ZNF560: variants seen among roughly 807,000 people sequenced by gnomAD.
The protein encoded by ZNF560 is zinc finger protein 560.
In ZNF560, 54 loss-of-function variants were observed where a neutral mutation model predicts 81.8. That is an observed-to-expected ratio of 0.66 (90% CI 0.53 to 0.83). The LOEUF (loss-of-function observed/expected upper bound fraction) is 0.83. ZNF560 is among the 40% of genes least tolerant of loss of function. ZNF560 has a pLI of 0.00. For missense variants in ZNF560, 940 were observed against 932.4 expected, an observed-to-expected ratio of 1.01 and a Z score of -0.11; for synonymous variants, 321 against 317.9, an observed-to-expected ratio of 1.01 and a Z score of -0.10.
At chr19:9,449,048 CAA>C in the ZNF560 span, among the ~76,000 whole-genome samples, 2 of 152,206 alleles carry the variant, frequency 1.3e-5, no homozygotes, top group Admixed American at 1.3e-4. Flanking sequence ...GACAGCCAAA[CAA>C]GAATAGTGGC....
At chr19:9,478,161 A>G (rs2073231597) in intron 2 of ZNF560, among the ~76,000 whole-genome samples, 1 of 152,228 alleles carries the variant, frequency 6.6e-6, no homozygotes, top group South Asian at 2.1e-4. Context: ...GATGCAAATC[A>G]CATATGAACG....
At chr19:9,470,036 C>T (rs1014776018) in intron 7 of ZNF560, 1 of 428,944 alleles carries the variant, frequency 2.3e-6, no homozygotes, top group Non-Finnish European at 4.1e-6. Context: ...AAAGAGAGAT[C>T]TTGATTCTCC....
chr19:9,447,566 A>G, the ZNF560 span, among the ~76,000 whole-genome samples: 4 of 152,172 alleles, frequency 2.6e-5, no homozygotes, highest in African/African-American at 7.2e-5. Context: ...TCACTTAAGG[A>G]ATTTTAAAAT....
At chr19:9,494,670 A>G (rs971617416) in intron 2 of ZNF560, among the ~76,000 whole-genome samples, 8 of 152,150 alleles carry the variant, frequency 5.3e-5, no homozygotes, top group African/African-American at 1.9e-4. Flanking sequence ...TGGGAGGCAG[A>G]GGTTGCAGTG....
At chr19:9,495,236 AATGGACT>A (rs2144731249) in intron 2 of ZNF560, among the ~76,000 whole-genome samples, 1 of 152,324 alleles carries the variant, frequency 6.6e-6, no homozygotes, top group South Asian at 2.1e-4. Context: ...CAAATTTGTA[AATGGACT>A]ATAGAATTTG....
At chr19:9,480,418 T>C (rs1230010011) in intron 2 of ZNF560, among the ~76,000 whole-genome samples, 1 of 152,026 alleles carries the variant, frequency 6.6e-6, no homozygotes, top group East Asian at 1.9e-4. Context: ...GGGCAGTTAA[T>C]AGCAATAAAT....
At chr19:9,463,929 T>C (rs2072974870), downstream of ZNF560, among the ~76,000 whole-genome samples, 1 of 152,164 alleles carries the variant, frequency 6.6e-6, no homozygotes, top group Non-Finnish European at 1.5e-5. Context: ...GTGATCCGCC[T>C]GACTTGGCCT....
chr19:9,491,323 T>G (rs1420198147), intron 2 of ZNF560, among the ~76,000 whole-genome samples: 1 of 152,084 alleles, frequency 6.6e-6, no homozygotes, highest in African/African-American at 2.4e-5. Context: ...GATCTCACTA[T>G]GTTGGCCAGG....
upstream of ZNF560, among the ~76,000 whole-genome samples, chr19:9,502,736 G>A (rs1432200968): frequency 6.6e-6 from 1 of 152,242 alleles, no homozygotes; most frequent in East Asian, 1.9e-4. Flanking sequence ...TATCTAACTA[G>A]TTGTACAATT....
the ZNF560 span, among the ~76,000 whole-genome samples, chr19:9,459,634 A>G: frequency 3.1e-4 from 47 of 152,290 alleles, no homozygotes; most frequent in Non-Finnish European, 5.6e-4. Context: ...CTGGGAGCCC[A>G]CACTATTTAT....
chr19:9,470,246 C>T, intron 7 of ZNF560, 146 bp downstream of exon 7: 1 of 804,256 alleles, frequency 1.2e-6, no homozygotes, highest in Non-Finnish European at 1.9e-6. Flanking sequence ...TCTGTTATTT[C>T]CTATTTTACT....
chr19:9,446,410 A>AC, the ZNF560 span, among the ~76,000 whole-genome samples: 1 of 149,064 alleles, frequency 6.7e-6, no homozygotes, highest in South Asian at 2.1e-4. Context: ...ACACACACAT[A>AC]AAATATAGGA....
At chr19:9,462,511 G>T (rs2072948754), downstream of ZNF560, among the ~76,000 whole-genome samples, 1 of 152,158 alleles carries the variant, frequency 6.6e-6, no homozygotes, top group African/African-American at 2.4e-5. Flanking sequence ...TTAGCCCCCT[G>T]ATCCCACTTT....
intron 2 of ZNF560, among the ~76,000 whole-genome samples, chr19:9,476,519 T>C (rs1400028162): frequency 2.0e-5 from 3 of 152,146 alleles, no homozygotes; most frequent in Non-Finnish European, 4.4e-5. Flanking sequence ...CTCGAACTCC[T>C]GACCTTGTGA....
Position 9,476,346 on chromosome 19 carries a change from G to A in ZNF560, c.-56-977C>T, listed in dbSNP as rs552958937. 8.1e-4 allele frequency among the ~76,000 whole-genome samples: 123 copies of A among 152,140 alleles called. 1 individual carries two copies. Among genetic ancestry groups the A allele is most frequent in the South Asian group, 8.3e-4 (4 of 4,818 alleles). ...CTTGCTCTGTCACCCAGGCTGGAGT[G>A]CAATGGCGAGATCTTGGCTCACTGC... On this transcript the variant is annotated intron_variant, in intron 2 of 9. Transcript: ENST00000301480.
intron 1 of ZNF560, 35 bp from the exon 2 acceptor site, chr19:9,498,250 T>G (rs1294326753): frequency 6.6e-6 from 1 of 152,180 alleles, no homozygotes; most frequent in African/African-American, 2.4e-5. Flanking sequence ...CCTTGGAGAC[T>G]TATTTTTTAA....
the ZNF560 span, among the ~76,000 whole-genome samples, chr19:9,505,532 AAAG>A: frequency 3.9e-5 from 6 of 152,368 alleles, no homozygotes; most frequent in Admixed American, 6.5e-5. Context: ...AAGTAAAAAT[AAAG>A]AAGGATTTTC....
chr19:9,460,263 CA>C, the ZNF560 span, among the ~76,000 whole-genome samples: 1 of 152,180 alleles, frequency 6.6e-6, no homozygotes, highest in Admixed American at 6.5e-5. Flanking sequence ...CGAAAGCAGC[CA>C]CCTACCTGGG....
the ZNF560 span, among the ~76,000 whole-genome samples, chr19:9,454,856 G>A: frequency 1.3e-5 from 2 of 152,034 alleles, no homozygotes; most frequent in South Asian, 2.1e-4. Context: ...AAGAAGAGAG[G>A]GAGTGTGATA....
Sources: allele counts gnomAD v4.1 joint callset (sites outside exome capture counted in the v4.1 genomes callset), GRCh38; gene constraint gnomAD v4.1.1; transcripts MANE v1.5; gene names NCBI Gene and HGNC (gene_info 2026-07-23, HGNC 2026-07-21).